MEGF6: variants seen among roughly 807,000 people sequenced by gnomAD.
The protein encoded by MEGF6 is multiple EGF like domains 6.
Under a neutral mutation model 207.1 loss-of-function variants are expected in MEGF6, and 184 were observed. The ratio of observed to expected loss-of-function variants is 0.89; its 90% CI spans 0.79 to 1.00. MEGF6 has a LOEUF of 1.00. Among genes scored for constraint, MEGF6 ranks in the 50% least tolerant of loss-of-function variants. The probability of loss-of-function intolerance (pLI) is 0.00; values close to 1 mark genes in which losing one functional copy is unlikely to be tolerated. For missense variants in MEGF6, 2,282 were observed against 2,202.9 expected, an observed-to-expected ratio of 1.04 and a Z score of -0.72; for synonymous variants, 1,038 against 910.0, an observed-to-expected ratio of 1.14 and a Z score of -2.53.
At chr1:3,624,371 G>C in the MEGF6 span, 1 of 152,358 alleles carries the variant, frequency 6.6e-6, no homozygotes, top group Non-Finnish European at 1.5e-5. Flanking sequence ...GTGTGCACTG[G>C]CTTGCTGAAG....
chr1:3,512,223 G>T lies in MEGF6; in HGVS notation c.854-95C>A, dbSNP rs542450017. 80 of 1,483,356 alleles carry T rather than the reference G, an allele frequency of 5.4e-5. No individual in the cohort carries two copies. In the African/African-American group the frequency reaches 1.0e-3, roughly 19 times the overall value. The allele number at this position is 1,483,356 out of a possible 1,614,324, so 91.9% of individuals were successfully genotyped here. On this transcript the variant is annotated intron_variant, in intron 7 of 36. Transcript: ENST00000356575. ...ACAGTGCACGGCCTGCTGACACCCA[G>T]GGCCTGTGGCCGCATGACACAGGCA...
In MEGF6 at chr1:3,489,937, T is replaced by C. The variant is rs1477343935; in HGVS notation, c.*591A>G. The C allele has an allele frequency of 6.5e-6, 1 of 152,744 alleles. No homozygotes were observed. The highest frequency in any genetic ancestry group is 1.9e-4 in the East Asian group (1 of 5,194). The allele number at this position is 152,744 out of a possible 1,614,324, so 9.5% of individuals were successfully genotyped here. On this transcript the variant is annotated 3_prime_UTR_variant, in exon 37 of 37. Coordinates refer to ENST00000356575, the MANE Select transcript of MEGF6 (RefSeq NM_001409.4). ...GCCACGAGGAGGTTGCCTGCTCCTT[T>C]ACCTTCCTAGGTTTACATGGTACCG...
At chr1:3,527,156 T>G (rs1402877623) in intron 4 of MEGF6, among the ~76,000 whole-genome samples, 2 of 152,088 alleles carry the variant, frequency 1.3e-5, no homozygotes, top group African/African-American at 4.8e-5. Context: ...ACGGTCCCTG[T>G]GAAAATGCCC....
Position 3,602,539 on chromosome 1 carries a change from C to A in MEGF6, c.193G>T (p.Ala65Ser). 1 of 1,613,100 alleles carries A rather than the reference C, an allele frequency of 6.2e-7. No individual in the cohort carries two copies. Among genetic ancestry groups the A allele is most frequent in the Non-Finnish European group, 8.5e-7 (1 of 1,179,818 alleles). Reference sequence around the variant, plus strand: ...CACACCGGCACCGTGTGGCTTAAGGCCTGCACGCACGGCTGGCGGCGGCCC... The same window carrying A: ...CACACCGGCACCGTGTGGCTTAAGGACTGCACGCACGGCTGGCGGCGGCCC... ...LVGRRQPCVQ[A>S]LSHTVPVWKA... Residue 65 changes from alanine to serine, a missense_variant, in exon 2 of 37, where the codon GCC (alanine) becomes TCC (serine). Ala to Ser is a moderately conservative substitution (Grantham distance 99, BLOSUM62 1). Coordinates refer to ENST00000356575, the MANE Select transcript of MEGF6 (RefSeq NM_001409.4).
rs548103944 is a variant in MEGF6 at position 3,515,666 on chromosome 1, G to A, written c.605-139C>T. 19 of 1,041,238 alleles carry A rather than the reference G, an allele frequency of 1.8e-5. 1 individual carries two copies. The highest frequency in any genetic ancestry group is 1.4e-4 in the African/African-American group (9 of 62,792). The allele number at this position is 1,041,238 out of a possible 1,614,324, so 64.5% of individuals were successfully genotyped here. ...CCTCCCAGCCACTCCGAGCCCCTCC[G>A]CCTTTTCATCTCCATCGTCACACGC... On this transcript the variant is annotated intron_variant, in intron 5 of 36. Coordinates refer to ENST00000356575, the MANE Select transcript of MEGF6 (RefSeq NM_001409.4).
At position 3,497,066 on chromosome 1, in the gene MEGF6, C is replaced by T. The variant is rs754179841; in HGVS notation, c.3535G>A (p.Gly1179Ser). 58 of 1,563,388 alleles carry T rather than the reference C, an allele frequency of 3.7e-5. No individual in the cohort carries two copies. The highest frequency in any genetic ancestry group is 7.6e-5 in the Admixed American group (4 of 52,848). Residue 1179 changes from glycine (G) to serine (S), a missense_variant, in exon 28 of 37, where the codon GGT (glycine) becomes AGT (serine). Transcript: ENST00000356575. ...EDCAQMCQCP[G>S]ENPACHPATG... Reference sequence around the variant, plus strand: ...GCAGGGTGGCAGGCCGGGTTCTCACCGGGACACTGGCACATCTGCGCACAG... The same window carrying T: ...GCAGGGTGGCAGGCCGGGTTCTCACTGGGACACTGGCACATCTGCGCACAG...
chr1:3,497,862 G>C (rs138397134), intron 26 of MEGF6, among the ~76,000 whole-genome samples: 6 of 152,308 alleles, frequency 3.9e-5, no homozygotes, highest in South Asian at 2.1e-4. Context: ...CTGCTGGAAG[G>C]GGGGCTCGTG....
At chr1:3,538,275 G>A (rs1369741848) in intron 4 of MEGF6, among the ~76,000 whole-genome samples, 1 of 152,112 alleles carries the variant, frequency 6.6e-6, no homozygotes, top group African/African-American at 2.4e-5. Context: ...AGCGTTCCTC[G>A]CACCCCTTCT....
In MEGF6 at chr1:3,598,450, G is replaced by A. The variant is rs545134092; in HGVS notation, c.267-3003C>T. On this transcript the variant is annotated intron_variant, in intron 2 of 36. Coordinates refer to ENST00000356575, the MANE Select transcript of MEGF6 (RefSeq NM_001409.4). ...CCGGACAGAAACCGACCACCACGGC[G>A]AACAATATTTGGCAGAGCTGAGAGT... is the stretch of plus-strand genomic sequence containing the variant. 1.5e-4 allele frequency among the ~76,000 whole-genome samples: 23 copies of A among 152,326 alleles called. No individual in the cohort carries two copies. In the East Asian group the frequency reaches 3.9e-3, roughly 26 times the overall value.
intron 4 of MEGF6, among the ~76,000 whole-genome samples, chr1:3,550,093 G>A (rs1385021011): frequency 3.9e-5 from 6 of 152,158 alleles, no homozygotes; most frequent in Admixed American, 6.5e-5. Flanking sequence ...TCCCCATCCC[G>A]GGAATTTTCT....
chr1:3,557,193 A>G (rs1352578235), intron 4 of MEGF6, among the ~76,000 whole-genome samples: 1 of 152,226 alleles, frequency 6.6e-6, no homozygotes, highest in Non-Finnish European at 1.5e-5. Flanking sequence ...CAGCCCTGAC[A>G]AGACCTTGGC....
At chr1:3,526,547 C>T (rs555044064) in intron 4 of MEGF6, among the ~76,000 whole-genome samples, 2 of 152,192 alleles carry the variant, frequency 1.3e-5, no homozygotes, top group Admixed American at 6.5e-5. Context: ...TACAGGCACC[C>T]GCCACCACGC....
At chr1:3,536,818 T>G (rs962243216) in intron 4 of MEGF6, among the ~76,000 whole-genome samples, 1 of 152,202 alleles carries the variant, frequency 6.6e-6, no homozygotes, top group African/African-American at 2.4e-5. Context: ...CTGCTCCCCC[T>G]TGGGGCTGGG....
chr1:3,615,942 C>A (rs1181754764), upstream of MEGF6, among the ~76,000 whole-genome samples: 1 of 152,254 alleles, frequency 6.6e-6, no homozygotes, highest in South Asian at 2.1e-4. Flanking sequence ...ATTTTTAAAT[C>A]TGGCAAACAA....
At chr1:3,536,984 C>T (rs1247516255) in intron 4 of MEGF6, among the ~76,000 whole-genome samples, 3 of 152,278 alleles carry the variant, frequency 2.0e-5, no homozygotes, top group South Asian at 2.1e-4. Flanking sequence ...CGCCTGGACA[C>T]GTGCCTCTAC....
At chr1:3,577,255 C>T (rs7513251) in intron 4 of MEGF6, among the ~76,000 whole-genome samples, 7,186 of 152,290 alleles carry the variant, frequency 0.047, 573 homozygotes, top group African/African-American at 0.16. Context: ...CCAGGAGGCC[C>T]GCTACCCAAG....
intron 35 of MEGF6, among the ~76,000 whole-genome samples, 170 bp from the exon 36 acceptor site, chr1:3,491,129 G>A (rs985217186): frequency 2.7e-5 from 2 of 73,406 alleles, no homozygotes; most frequent in Non-Finnish European, 4.3e-5. Context: ...GGCGGGAGCT[G>A]GGGGGGGGGG....
Position 3,502,049 on chromosome 1 carries a change from C to CG in MEGF6, c.2189-129_2189-128insC, listed in dbSNP as rs1640912187. 1.5e-4 allele frequency: 68 copies of CG among 465,636 alleles called. 3 individuals are homozygous for CG. The African/African-American group carries it at 1.7e-3, about 12-fold the overall frequency. 28.8% of individuals were successfully genotyped at this position (465,636 alleles called of 1,614,324 possible). A position where few individuals can be genotyped will look rare whatever the true frequency, so the allele number is the denominator to read the frequency against. ...ATGGGCTCCTGGCGAGTGTGCCCCC[C>CG]CGGCGCCTCCTCACATGGGCTCCTG... On this transcript the variant is annotated intron_variant, in intron 17 of 36. Coordinates refer to ENST00000356575, the MANE Select transcript of MEGF6 (RefSeq NM_001409.4).
In MEGF6 at chr1:3,496,976, G is replaced by C; in HGVS notation, c.3613+12C>G. On this transcript the variant is annotated intron_variant, in intron 28 of 36. Transcript: ENST00000356575. ...ACTGCCGAGTCCCTGGGTGGGCACG[G>C]GCAGCACTCACGTTGCTGGCAGCTG... The C allele has an allele frequency of 6.5e-7, 1 of 1,548,202 alleles. No individual in the cohort carries two copies.
Sources: allele counts gnomAD v4.1 joint callset (sites outside exome capture counted in the v4.1 genomes callset), GRCh38; gene constraint gnomAD v4.1.1; transcripts MANE v1.5; gene names NCBI Gene and HGNC (gene_info 2026-07-23, HGNC 2026-07-21).